The following CFAP61 variants were observed in gnomAD, a reference collection of about 807,000 sequenced individuals.
CFAP61 encodes cilia and flagella associated protein 61.
Under a neutral mutation model 135.6 loss-of-function variants are expected in CFAP61, and 107 were observed. The ratio of observed to expected loss-of-function variants is 0.79; its 90% CI spans 0.67 to 0.93. The LOEUF is 0.93. Ranked by LOEUF, CFAP61 falls within the 40% of genes least tolerant of loss-of-function variation. CFAP61 has a pLI of 0.00. For missense variants in CFAP61, 1,507 were observed against 1,556.2 expected (o/e 0.97, Z 0.53); for synonymous variants, 575 against 578.5 (o/e 0.99, Z 0.09).
chr20:20,181,061 G>A (rs1159799594), intron 13 of CFAP61, among the ~76,000 whole-genome samples: 2 of 151,726 alleles, frequency 1.3e-5, no homozygotes, highest in Non-Finnish European at 2.9e-5. Flanking sequence ...TGGATACTAG[G>A]CTCAATACCT....
At chr20:20,213,810 A>T (rs1213027913) in intron 17 of CFAP61, among the ~76,000 whole-genome samples, 1 of 152,164 alleles carries the variant, frequency 6.6e-6, no homozygotes, top group East Asian at 1.9e-4. Flanking sequence ...AATGACATGC[A>T]TCTGTTGAAT....
chr20:20,273,447 A>G (rs2053516398), intron 21 of CFAP61, among the ~76,000 whole-genome samples: 2 of 152,172 alleles, frequency 1.3e-5, no homozygotes, highest in Non-Finnish European at 2.9e-5. Flanking sequence ...TATAGTGCCA[A>G]CTTAGTAGTG....
intron 17 of CFAP61, among the ~76,000 whole-genome samples, chr20:20,203,101 GA>G (rs1454600660): frequency 7.9e-5 from 12 of 152,178 alleles, no homozygotes; most frequent in African/African-American, 2.9e-4. Context: ...GCCTGGTTTG[GA>G]CGATCAGTGT....
chr20:20,322,618 A>G (rs1176534800), intron 25 of CFAP61: 8 of 879,960 alleles, frequency 9.1e-6, no homozygotes, highest in Non-Finnish European at 9.5e-6. Context: ...GCCGTGGTAA[A>G]TGGTATCATT....
intron 6 of CFAP61, among the ~76,000 whole-genome samples, chr20:20,084,401 C>CCTGCTGCTGCTGCTGCTGCTGCTGCTG (rs3060422): frequency 6.6e-6 from 1 of 150,692 alleles, no homozygotes; most frequent in Non-Finnish European, 1.5e-5. Flanking sequence ...GCGGAGGTGG[C>CCTGCTGCTGCTGCTGCTGCTGCTGCTG]CTGCTGCTGC....
chr20:20,209,766 C>T (rs1395932909), intron 17 of CFAP61, among the ~76,000 whole-genome samples: 1 of 152,156 alleles, frequency 6.6e-6, no homozygotes, highest in Non-Finnish European at 1.5e-5. Context: ...TCCAAGTTCT[C>T]AGGAGCTCAT....
intron 6 of CFAP61, among the ~76,000 whole-genome samples, chr20:20,081,987 C>T (rs755013805): frequency 6.6e-6 from 1 of 152,108 alleles, no homozygotes; most frequent in Admixed American, 6.5e-5. Context: ...TTTAGAAAGC[C>T]CTCTATCCAC....
In CFAP61 at chr20:20,187,933, C is replaced by G; in HGVS notation, c.1389C>G (p.Ser463=). ...ATATATTCCTCTCCTTACCCAGGTC[C>G]ATTAATATAAGATTTGCCACTCTCT... ...YVFHRAGLLK[S]INIRFATLLD... is the part of the protein sequence containing the mutation. The change falls in exon 14 of 27, where the codon TCC becomes TCG. Residue 463 remains serine (S), a synonymous_variant. Transcript: ENST00000245957. 1.9e-6 allele frequency: 3 copies of G among 1,611,960 alleles called. No individual in the cohort carries two copies. The highest frequency in any genetic ancestry group is 2.5e-6 in the Non-Finnish European group (3 of 1,178,136).
At chr20:20,143,464 G>A (rs528987082) in intron 9 of CFAP61, among the ~76,000 whole-genome samples, 19 of 152,304 alleles carry the variant, frequency 1.2e-4, no homozygotes, top group African/African-American at 4.6e-4. Flanking sequence ...TGGAAATGAA[G>A]CTGATTTAAT....
At position 20,070,963 on chromosome 20, in the gene CFAP61, G is replaced by GT. The variant is rs763397411; in HGVS notation, c.254dup (p.Ser86ValfsTer9). ...GAATGTTGCCAAGCAGGATGACTGG[G>GT]TGTCAGTGTTCCGGGAGCTCGACAG... is the stretch of plus-strand genomic sequence containing the variant. On this transcript the variant is annotated frameshift_variant, in exon 3 of 27. Transcript: ENST00000245957. LOFTEE classifies it high-confidence loss of function. 3 of 1,614,080 alleles carry GT rather than the reference G, an allele frequency of 1.9e-6. No individual in the cohort carries two copies. In the African/African-American group the frequency reaches 4.0e-5, roughly 22 times the overall value.
intron 17 of CFAP61, among the ~76,000 whole-genome samples, chr20:20,207,500 C>G (rs1007189061): frequency 6.6e-6 from 1 of 152,214 alleles, no homozygotes; most frequent in African/African-American, 2.4e-5. Context: ...TGCAGCCTAG[C>G]AAGGCTCCGG....
chr20:20,290,497 C>T (rs2054920781), intron 24 of CFAP61, 106 bp downstream of exon 24: 2 of 740,964 alleles, frequency 2.7e-6, no homozygotes, highest in South Asian at 3.2e-5. Flanking sequence ...TTGGTTCACA[C>T]ATCAGAAGCC....
At position 20,213,373 on chromosome 20, in the gene CFAP61, C is replaced by T. The variant is rs1166858770; in HGVS notation, c.1932+13471C>T. On this transcript the variant is annotated intron_variant, in intron 17 of 26. Coordinates refer to ENST00000245957, the MANE Select transcript of CFAP61 (RefSeq NM_015585.4). ...CCAGTGCTACATGTGATTGTAACTC[C>T]CCTTGAAACCACCGTTGCTATTTCT... Among the ~76,000 whole-genome samples, 6 of 152,180 alleles carry T rather than the reference C, an allele frequency of 3.9e-5. No homozygotes were observed. In the East Asian group the frequency reaches 1.2e-3, roughly 29 times the overall value.
chr20:20,124,318 A>G (rs201635441), intron 8 of CFAP61, among the ~76,000 whole-genome samples: 1 of 151,516 alleles, frequency 6.6e-6, no homozygotes, highest in Admixed American at 6.6e-5. Context: ...TCTTGTTCCA[A>G]TTCTCAGAGG....
intron 8 of CFAP61, among the ~76,000 whole-genome samples, chr20:20,099,490 A>G (rs909266874): frequency 4.6e-5 from 7 of 152,178 alleles, no homozygotes; most frequent in Non-Finnish European, 1.0e-4. Flanking sequence ...AGATGCAGAC[A>G]GGCAAGTTAC....
chr20:20,294,937 AAATAATAATAATAAT>A (rs11474551), intron 24 of CFAP61, among the ~76,000 whole-genome samples: 8 of 142,906 alleles, frequency 5.6e-5, no homozygotes, highest in East Asian at 4.0e-4. Flanking sequence ...TCCGTCTCAA[AAATAATAATAATAAT>A]AATAATAATA....
intron 11 of CFAP61, among the ~76,000 whole-genome samples, chr20:20,166,020 C>T (rs1303790046): frequency 6.6e-6 from 1 of 152,158 alleles, no homozygotes; most frequent in Admixed American, 6.6e-5. Context: ...TGTACATCTA[C>T]AGCTAGTCAG....
At chr20:20,066,360 A>G (rs541738233) in intron 2 of CFAP61, among the ~76,000 whole-genome samples, 5 of 152,350 alleles carry the variant, frequency 3.3e-5, no homozygotes, top group South Asian at 2.1e-4. Flanking sequence ...TCATTCTACT[A>G]TAAAGACACA....
chr20:20,277,111 T>G, intron 21 of CFAP61, 55 bp from the exon 22 acceptor site: 1 of 1,386,750 alleles, frequency 7.2e-7, no homozygotes, highest in Non-Finnish European at 9.9e-7. Flanking sequence ...AGCATTTGAC[T>G]AAGGTTTTTT....
Sources: allele counts gnomAD v4.1 joint callset (sites outside exome capture counted in the v4.1 genomes callset), GRCh38; gene constraint gnomAD v4.1.1; transcripts MANE v1.5; gene names NCBI Gene and HGNC (gene_info 2026-07-23, HGNC 2026-07-21).